The following HAT1 variants were observed in gnomAD, a reference collection of about 807,000 sequenced individuals.
HAT1 encodes the protein histone acetyltransferase 1, also known as histone acetyltransferase type B catalytic subunit.
HAT1 carries 20 observed loss-of-function variants against 56.6 expected under a neutral mutation model. The ratio of observed to expected loss-of-function variants is 0.35; its 90% CI spans 0.25 to 0.51. The LOEUF is 0.51. HAT1 is among the 20% of genes least tolerant of loss of function. HAT1 has a pLI of 0.95. For synonymous variants in HAT1, 146 were observed against 165.5 expected, an observed-to-expected ratio of 0.88 and a Z score of 0.91; for missense variants, 408 against 504.3, an observed-to-expected ratio of 0.81 and a Z score of 1.83.
chr2:171,970,496 C>CTTTTTTTTTTTTTTT (rs61462189), intron 8 of HAT1, among the ~76,000 whole-genome samples: 6 of 74,988 alleles, frequency 8.0e-5, no homozygotes, highest in African/African-American at 2.7e-4. Context: ...AATGCAGTTT[C>CTTTTTTTTTTTTTTT]TTTTTTTTTT....
chr2:171,949,673 CAAAAA>C (rs71013094), intron 3 of HAT1, among the ~76,000 whole-genome samples: 3 of 128,026 alleles, frequency 2.3e-5, no homozygotes, highest in African/African-American at 8.3e-5. Flanking sequence ...GACTCTGTCT[CAAAAA>C]AAAAAAAAAA....
At chr2:171,941,998 G>T (rs1202841875) in intron 2 of HAT1, among the ~76,000 whole-genome samples, 1 of 152,108 alleles carries the variant, frequency 6.6e-6, no homozygotes, top group Non-Finnish European at 1.5e-5. Flanking sequence ...TCTGCCTCCT[G>T]GGTTCAAGCA....
At chr2:171,955,944 C>CT (rs1318343908) in intron 4 of HAT1, among the ~76,000 whole-genome samples, 1 of 152,018 alleles carries the variant, frequency 6.6e-6, no homozygotes, top group Non-Finnish European at 1.5e-5. Flanking sequence ...ACTCGGGAGG[C>CT]TGAGGCAGGA....
chr2:171,961,013 G>T (rs779903821), intron 4 of HAT1, among the ~76,000 whole-genome samples: 1 of 152,116 alleles, frequency 6.6e-6, no homozygotes, highest in African/African-American at 2.4e-5. Flanking sequence ...GTTGTGGTGC[G>T]TGCTTGTGGT....
At chr2:171,968,351 T>A (rs1050541029) in intron 8 of HAT1, among the ~76,000 whole-genome samples, 2 of 152,140 alleles carry the variant, frequency 1.3e-5, no homozygotes, top group African/African-American at 4.8e-5. Context: ...AAGGGACATT[T>A]TTGGTGATTT....
chr2:171,934,793 T>C (rs1301969105), intron 2 of HAT1, among the ~76,000 whole-genome samples: 2 of 148,550 alleles, frequency 1.3e-5, no homozygotes, highest in Admixed American at 6.9e-5. Flanking sequence ...TTTGGTCTTG[T>C]CATCCGGGCT....
chr2:171,968,980 C>T (rs1024884036), intron 8 of HAT1, among the ~76,000 whole-genome samples: 2 of 152,176 alleles, frequency 1.3e-5, no homozygotes, highest in Admixed American at 1.3e-4. Context: ...TTATATCTTA[C>T]TTCCAATGGA....
intron 2 of HAT1, among the ~76,000 whole-genome samples, chr2:171,945,383 A>C (rs1220671850): frequency 1.3e-5 from 2 of 152,130 alleles, no homozygotes; most frequent in Non-Finnish European, 2.9e-5. Flanking sequence ...GAGTGTTCTC[A>C]AGGATGTAGG....
Position 171,979,680 on chromosome 2 carries a change from C to T in HAT1, c.1092+317C>T, listed in dbSNP as rs558303340. ...AACATTAGCTAGGCTTGGTGGTGGGCGCCTGTAATACAGTGACTTGGGAGG... is the reference window on the plus strand; with the variant it reads ...AACATTAGCTAGGCTTGGTGGTGGGTGCCTGTAATACAGTGACTTGGGAGG... On this transcript the variant is annotated intron_variant, in intron 10 of 10. Transcript: ENST00000264108. 44 of 197,012 alleles carry T rather than the reference C, an allele frequency of 2.2e-4. No individual in the cohort carries two copies. In the South Asian group the frequency reaches 3.0e-3, roughly 13 times the overall value. 12.2% of individuals were successfully genotyped at this position (197,012 alleles called of 1,614,324 possible).
At chr2:171,941,840 G>T (rs1267888667) in intron 2 of HAT1, among the ~76,000 whole-genome samples, 1 of 152,142 alleles carries the variant, frequency 6.6e-6, no homozygotes, top group African/African-American at 2.4e-5. Flanking sequence ...GAGCAATAAG[G>T]TGCCATTTAG....
intron 2 of HAT1, among the ~76,000 whole-genome samples, chr2:171,930,467 T>C (rs1686714042): frequency 6.6e-6 from 1 of 152,196 alleles, no homozygotes; most frequent in African/African-American, 2.4e-5. Flanking sequence ...GTGCCTGACC[T>C]AAAAATGATA....
At chr2:171,980,870 A>AG in intron 10 of HAT1, 1 of 142,516 alleles carries the variant, frequency 7.0e-6, no homozygotes, top group East Asian at 2.0e-4. Context: ...AAAAAAAAAA[A>AG]ATTTAAAAAA....
intron 9 of HAT1, among the ~76,000 whole-genome samples, chr2:171,977,579 T>A (rs1316923017): frequency 3.6e-5 from 4 of 111,934 alleles, no homozygotes; most frequent in African/African-American, 1.3e-4. Flanking sequence ...TTTTTTTTTT[T>A]AATGGTGCTT....
At chr2:171,972,025 A>G (rs1285655627) in intron 8 of HAT1, among the ~76,000 whole-genome samples, 1 of 152,084 alleles carries the variant, frequency 6.6e-6, no homozygotes, top group African/African-American at 2.4e-5. Flanking sequence ...GCATGTTGCA[A>G]ACTCATCAGT....
intron 1 of HAT1, chr2:171,924,359 G>A (rs1686525349): frequency 6.6e-6 from 1 of 152,096 alleles, no homozygotes. Flanking sequence ...ACCACGTCCA[G>A]CTAATTTTTG....
rs1271902963 is a variant in HAT1, at chr2:171,966,447, C to T, written c.650C>T (p.Ala217Val). 8 of 1,599,720 alleles carry T rather than the reference C, an allele frequency of 5.0e-6. No individual in the cohort carries two copies. Among genetic ancestry groups the T allele is most frequent in the South Asian group, 3.3e-5 (3 of 90,816 alleles). ...KYNKDGATLF[A>V]TVGYMTVYNY... is the part of the protein sequence containing the mutation. ...AATAAGGATGGAGCTACGCTCTTTG[C>T]GACCGTAGGCTACATGACAGTCTAT... Residue 217 changes from alanine to valine, a missense_variant, in exon 7 of 11, where the codon GCG becomes GTG. Ala to Val is a moderately conservative substitution (Grantham distance 64). Transcript: ENST00000264108.
chr2:171,966,129 A>G, intron 6 of HAT1: 1 of 594,274 alleles, frequency 1.7e-6, no homozygotes, highest in Non-Finnish European at 3.0e-6. Flanking sequence ...TGTAGGCTTA[A>G]ACAGTAAAAT....
At chr2:171,926,362 T>C (rs966955712) in intron 2 of HAT1, among the ~76,000 whole-genome samples, 1 of 152,308 alleles carries the variant, frequency 6.6e-6, no homozygotes, top group African/African-American at 2.4e-5. Context: ...GGCGTGATCC[T>C]GGCTCACTGC....
In HAT1 at chr2:171,971,225, A is replaced by G. The variant is rs192390860; in HGVS notation, c.823+4276A>G. Among the ~76,000 whole-genome samples, 65 of 152,346 alleles carry G rather than the reference A, an allele frequency of 4.3e-4. 1 individual carries two copies. The highest frequency in any genetic ancestry group is 8.5e-4 in the Admixed American group (13 of 15,306). On this transcript the variant is annotated intron_variant, in intron 8 of 10. Coordinates refer to ENST00000264108, the MANE Select transcript of HAT1 (RefSeq NM_003642.4). ...AAACAAACAAACAAAAAAATGTTTT[A>G]CAAGAGATACTTGCTTAAGCGTTTG...
Sources: allele counts gnomAD v4.1 joint callset (sites outside exome capture counted in the v4.1 genomes callset), GRCh38; gene constraint gnomAD v4.1.1; transcripts MANE v1.5; gene names NCBI Gene and HGNC (gene_info 2026-07-23, HGNC 2026-07-21).